The following RBM20 variants were observed in gnomAD, a reference collection of about 807,000 sequenced individuals.
RBM20 encodes the protein RNA-binding protein 20.
Under a neutral mutation model 110.1 loss-of-function variants are expected in RBM20, and 51 were observed. The observed-to-expected ratio is 0.46, with a 90% CI of 0.37 to 0.59. The LOEUF (loss-of-function observed/expected upper bound fraction) is 0.59, where lower values mean the gene tolerates loss of function less well. RBM20 is among the 20% of genes least tolerant of loss of function. The pLI, the probability that RBM20 is intolerant of heterozygous loss-of-function variation, is 0.00. For synonymous variants in RBM20, 589 were observed against 618.2 expected, an observed-to-expected ratio of 0.95 and a Z score of 0.70; for missense variants, 1,512 against 1,574.9, an observed-to-expected ratio of 0.96 and a Z score of 0.68.
chr10:110,830,877 C>T (rs1206117248), intron 12 of RBM20, among the ~76,000 whole-genome samples, 184 bp from the exon 13 acceptor site: 1 of 152,088 alleles, frequency 6.6e-6, no homozygotes, highest in Non-Finnish European at 1.5e-5. Context: ...GGGTGTGAGT[C>T]TCTTTGTGAC....
chr10:110,704,738 T>C (rs1216488014), intron 1 of RBM20, among the ~76,000 whole-genome samples: 1 of 152,154 alleles, frequency 6.6e-6, no homozygotes, highest in Non-Finnish European at 1.5e-5. Context: ...CATTAGACTG[T>C]GTGCAGGCAA....
intron 5 of RBM20, among the ~76,000 whole-genome samples, chr10:110,789,330 C>T (rs947564958): frequency 6.6e-6 from 1 of 152,186 alleles, no homozygotes; most frequent in Admixed American, 6.5e-5. Context: ...CTTCTGGGGA[C>T]AGACTTGGCT....
chr10:110,801,086 G>C (rs1844616578), intron 7 of RBM20, among the ~76,000 whole-genome samples: 1 of 152,194 alleles, frequency 6.6e-6, no homozygotes, highest in South Asian at 2.1e-4. Flanking sequence ...ATGATAGCAA[G>C]CTCTTTCCAA....
chr10:110,830,823 C>T (rs781202813), intron 12 of RBM20, among the ~76,000 whole-genome samples: 1 of 152,158 alleles, frequency 6.6e-6, no homozygotes, highest in Non-Finnish European at 1.5e-5. Context: ...CTTACCACAC[C>T]GCCGAGTCCA....
chr10:110,699,629 G>C (rs1425785551), intron 1 of RBM20, among the ~76,000 whole-genome samples: 1 of 151,996 alleles, frequency 6.6e-6, no homozygotes, highest in African/African-American at 2.4e-5. Flanking sequence ...CATTCTTAAA[G>C]GGTACTTGTT....
intron 1 of RBM20, among the ~76,000 whole-genome samples, chr10:110,729,819 T>TTTTA (rs969544465): frequency 2.5e-4 from 38 of 152,326 alleles, no homozygotes; most frequent in African/African-American, 8.7e-4. Flanking sequence ...TTCTTCCCCC[T>TTTTA]TTTATTTATT....
chr10:110,834,877 C>T (rs189396530), intron 13 of RBM20, among the ~76,000 whole-genome samples: 5 of 152,330 alleles, frequency 3.3e-5, no homozygotes, highest in Admixed American at 3.3e-4. Context: ...TCCAGATAGC[C>T]CAAGAGCAAC....
chr10:110,738,241 C>T (rs1208102025), intron 1 of RBM20, among the ~76,000 whole-genome samples: 1 of 152,108 alleles, frequency 6.6e-6, no homozygotes, highest in African/African-American at 2.4e-5. Context: ...GTTGGCGGCC[C>T]TACAGCAAAA....
intron 1 of RBM20, among the ~76,000 whole-genome samples, chr10:110,665,096 C>T (rs1862158057): frequency 6.6e-6 from 1 of 152,196 alleles, no homozygotes; most frequent in African/African-American, 2.4e-5. Flanking sequence ...AAGCTTGTCT[C>T]AAGCTCCTGG....
chr10:110,800,520 G>A (rs1844608719), intron 7 of RBM20, among the ~76,000 whole-genome samples: 1 of 152,054 alleles, frequency 6.6e-6, no homozygotes, highest in Non-Finnish European at 1.5e-5. Flanking sequence ...CAGAAAAATG[G>A]CTGATTATAT....
intron 13 of RBM20, among the ~76,000 whole-genome samples, chr10:110,832,219 G>A (rs1845065356): frequency 6.6e-6 from 1 of 152,214 alleles, no homozygotes; most frequent in Non-Finnish European, 1.5e-5. Context: ...AGGGCCAGGG[G>A]TAAGTATCTG....
At chr10:110,814,647 C>T (rs1010994986) in intron 9 of RBM20, among the ~76,000 whole-genome samples, 1 of 152,130 alleles carries the variant, frequency 6.6e-6, no homozygotes, top group African/African-American at 2.4e-5. Flanking sequence ...AGGAGTGCGC[C>T]ACCACGCCCG....
chr10:110,645,325 G>C (rs569031364), intron 1 of RBM20, among the ~76,000 whole-genome samples: 1 of 152,312 alleles, frequency 6.6e-6, no homozygotes, highest in African/African-American at 2.4e-5. Flanking sequence ...CCCGTTTGAG[G>C]AACATACAAG....
chr10:110,665,226 A>C (rs1005958921), intron 1 of RBM20, among the ~76,000 whole-genome samples: 2 of 152,174 alleles, frequency 1.3e-5, no homozygotes, highest in Non-Finnish European at 2.9e-5. Flanking sequence ...AGGAATGAAT[A>C]TTAGCATTTT....
chr10:110,811,704 C>A (rs1240389060), intron 8 of RBM20, among the ~76,000 whole-genome samples: 2 of 152,032 alleles, frequency 1.3e-5, no homozygotes, highest in East Asian at 3.9e-4. Flanking sequence ...TGAGCGTGCC[C>A]TCCCCAATAG....
chr10:110,770,917 A>G (rs1439015857), intron 1 of RBM20, among the ~76,000 whole-genome samples: 1 of 152,222 alleles, frequency 6.6e-6, no homozygotes, highest in Admixed American at 6.5e-5. Flanking sequence ...CGTGACAAGA[A>G]GTCTGTTTGT....
chr10:110,646,630 C>A (rs527735665), intron 1 of RBM20, among the ~76,000 whole-genome samples: 2 of 152,362 alleles, frequency 1.3e-5, no homozygotes, highest in African/African-American at 2.4e-5. Flanking sequence ...AGCTTGTGCT[C>A]TCCTTAGTAC....
intron 1 of RBM20, among the ~76,000 whole-genome samples, chr10:110,736,661 C>CA (rs36044662): frequency 0.71 from 107,404 of 152,090 alleles, 38,661 homozygotes; most frequent in African/African-American, 0.86. Context: ...CTGGCTCTGC[C>CA]AAACACCCTG....
At chr10:110,818,088 T>C (rs1844862279) in intron 9 of RBM20, among the ~76,000 whole-genome samples, 1 of 149,626 alleles carries the variant, frequency 6.7e-6, no homozygotes, top group Non-Finnish European at 1.5e-5. Context: ...GAGACCAGCC[T>C]GGCCAACATG....
Sources: allele counts gnomAD v4.1 joint callset (sites outside exome capture counted in the v4.1 genomes callset), GRCh38; gene constraint gnomAD v4.1.1; transcripts MANE v1.5; gene names NCBI Gene and HGNC (gene_info 2026-07-23, HGNC 2026-07-21).